The following GRXCR1 variants were observed in gnomAD, a reference collection of about 807,000 sequenced individuals.
GRXCR1 encodes glutaredoxin domain-containing cysteine-rich protein 1.
In GRXCR1, 27 loss-of-function variants were observed where a neutral mutation model predicts 27.3. The observed-to-expected ratio is 0.99, with a 90% CI of 0.73 to 1.37. The LOEUF (loss-of-function observed/expected upper bound fraction) is 1.37. Ranked by LOEUF, GRXCR1 falls within the 40% of genes most tolerant of loss-of-function variation. GRXCR1 has a pLI of 0.00. For synonymous variants in GRXCR1, 122 were observed against 131.1 expected (o/e 0.93, Z 0.47); for missense variants, 379 against 354.4 (o/e 1.07, Z -0.56).
At chr4:42,932,145 C>G (rs1405298059) in intron 1 of GRXCR1, among the ~76,000 whole-genome samples, 2 of 151,896 alleles carry the variant, frequency 1.3e-5, no homozygotes, top group Non-Finnish European at 2.9e-5. Context: ...ACAGTCAAAC[C>G]ATATCAGGCT....
At chr4:42,953,741 T>C (rs946621003) in intron 1 of GRXCR1, among the ~76,000 whole-genome samples, 9 of 152,132 alleles carry the variant, frequency 5.9e-5, no homozygotes, top group Non-Finnish European at 1.2e-4. Context: ...AGACTGTGGA[T>C]TTGGATTTTT....
At chr4:43,024,912 G>C (rs183486044) in intron 3 of GRXCR1, among the ~76,000 whole-genome samples, 4 of 152,268 alleles carry the variant, frequency 2.6e-5, no homozygotes, top group Admixed American at 2.6e-4. Flanking sequence ...GGATAATGAG[G>C]TGTATTGTCA....
intron 1 of GRXCR1, among the ~76,000 whole-genome samples, chr4:42,931,306 T>A (rs1289909765): frequency 2.0e-5 from 3 of 152,028 alleles, no homozygotes; most frequent in Non-Finnish European, 2.9e-5. Flanking sequence ...GTTAACTTCT[T>A]CCACCCTCCA....
chr4:42,944,241 TG>T (rs1300106530), intron 1 of GRXCR1, among the ~76,000 whole-genome samples: 1 of 151,930 alleles, frequency 6.6e-6, no homozygotes, highest in Non-Finnish European at 1.5e-5. Context: ...AACATGGAAT[TG>T]GGGAAAAGTT....
chr4:43,006,020 A>G (rs1165155721), intron 2 of GRXCR1, among the ~76,000 whole-genome samples: 1 of 152,226 alleles, frequency 6.6e-6, no homozygotes, highest in East Asian at 1.9e-4. Context: ...AGTTCCCCAA[A>G]TTAATACTTT....
At chr4:42,979,053 C>G (rs1748589943) in intron 2 of GRXCR1, among the ~76,000 whole-genome samples, 1 of 151,782 alleles carries the variant, frequency 6.6e-6, no homozygotes, top group Non-Finnish European at 1.5e-5. Context: ...CCTAGCCATA[C>G]TGAACTGTGA....
At chr4:42,955,000 A>C (rs1269254341) in intron 1 of GRXCR1, among the ~76,000 whole-genome samples, 1 of 152,174 alleles carries the variant, frequency 6.6e-6, no homozygotes, top group Non-Finnish European at 1.5e-5. Context: ...GGTTTACAGA[A>C]TATCATGGAG....
intron 2 of GRXCR1, among the ~76,000 whole-genome samples, chr4:42,983,760 T>A (rs920944546): frequency 6.6e-6 from 1 of 152,070 alleles, no homozygotes; most frequent in Non-Finnish European, 1.5e-5. Context: ...TTTAAAATTC[T>A]TTTTTATTCT....
intron 1 of GRXCR1, among the ~76,000 whole-genome samples, chr4:42,934,021 G>A (rs945888305): frequency 9.9e-5 from 15 of 151,878 alleles, no homozygotes; most frequent in Non-Finnish European, 2.1e-4. Context: ...CTTGGTCCAT[G>A]TTCCAGATCA....
intron 1 of GRXCR1, among the ~76,000 whole-genome samples, chr4:42,950,093 C>A (rs10031671): frequency 0.014 from 2,145 of 152,158 alleles, 54 homozygotes; most frequent in African/African-American, 0.049. Context: ...ACACTTTAAT[C>A]TTATATAATA....
chr4:43,028,170 A>G (rs1253687110), intron 3 of GRXCR1, among the ~76,000 whole-genome samples: 1 of 152,236 alleles, frequency 6.6e-6, no homozygotes, highest in Non-Finnish European at 1.5e-5. Context: ...CCATTGCCCA[A>G]GATGGATTAA....
At chr4:42,966,168 A>T (rs974992997) in intron 2 of GRXCR1, among the ~76,000 whole-genome samples, 5 of 151,698 alleles carry the variant, frequency 3.3e-5, no homozygotes, top group African/African-American at 4.8e-5. Flanking sequence ...TGCATCAGAA[A>T]TTTTTTTTTA....
rs191849556 is a variant in GRXCR1, at chr4:42,920,679, C to T, written c.384+27029C>T. Among the ~76,000 whole-genome samples, 11 of 151,830 alleles carry T rather than the reference C, an allele frequency of 7.2e-5. No individual in the cohort carries two copies. In the East Asian group the frequency reaches 2.2e-3, roughly 30 times the overall value. ...CAGGGTATAAGTTTTTTCTCCCTGC[C>T]TCACTTCCTTCCTTCCATTTTTCTT... On this transcript the variant is annotated intron_variant, in intron 1 of 3. Transcript: ENST00000399770.
intron 1 of GRXCR1, among the ~76,000 whole-genome samples, chr4:42,916,120 A>C (rs1170392421): frequency 6.6e-6 from 1 of 151,400 alleles, no homozygotes. Context: ...AAGATTACTG[A>C]AGCATGTGCT....
intron 2 of GRXCR1, among the ~76,000 whole-genome samples, chr4:43,019,131 A>G (rs1018561301): frequency 2.6e-5 from 4 of 152,204 alleles, no homozygotes; most frequent in African/African-American, 9.7e-5. Flanking sequence ...TTTGAGGTCC[A>G]GATCAAATGC....
chr4:42,966,185 A>G (rs1453742219), intron 2 of GRXCR1, among the ~76,000 whole-genome samples: 1 of 152,036 alleles, frequency 6.6e-6, no homozygotes, highest in Admixed American at 6.6e-5. Flanking sequence ...TTTACACAAA[A>G]CAAGATTGTG....
chr4:42,993,319 A>T (rs1181758071), intron 2 of GRXCR1, among the ~76,000 whole-genome samples: 2 of 151,940 alleles, frequency 1.3e-5, no homozygotes, highest in East Asian at 3.9e-4. Flanking sequence ...TAATTTCTTG[A>T]TGCCTCTCTG....
intron 1 of GRXCR1, among the ~76,000 whole-genome samples, chr4:42,898,615 T>G (rs1436336059): frequency 2.0e-5 from 3 of 152,112 alleles, no homozygotes; most frequent in Non-Finnish European, 4.4e-5. Flanking sequence ...TAATTAGCAT[T>G]AAGTACTTAT....
rs1398718171 is a variant in GRXCR1, at chr4:42,893,645, T to A, written c.379T>A (p.Leu127Ile). ...TCTATTTAACAATTTGACCAAAGTA[T>A]TACAGGTAAGTCATTGCTGTTTCCT... The part of the protein sequence containing the change: ...QALFNNLTKV[L>I]QQPSTDLEFD... Residue 127 changes from leucine (L) to isoleucine (I), a missense_variant, in exon 1 of 4, where the codon TTA (leucine) becomes ATA (isoleucine). Leu to Ile is a conservative substitution (Grantham distance 5). Transcript: ENST00000399770. The A allele has an allele frequency of 6.2e-7, 1 of 1,612,950 alleles. No individual in the cohort carries two copies.
Sources: allele counts gnomAD v4.1 joint callset (sites outside exome capture counted in the v4.1 genomes callset), GRCh38; gene constraint gnomAD v4.1.1; transcripts MANE v1.5; gene names NCBI Gene and HGNC (gene_info 2026-07-23, HGNC 2026-07-21).